The following SCRG1 variants were observed in gnomAD, a reference collection of about 807,000 sequenced individuals.
The protein encoded by SCRG1 is scrapie-responsive protein 1.
Under a neutral mutation model 7.7 loss-of-function variants are expected in SCRG1, and 3 were observed. The ratio of observed to expected loss-of-function variants is 0.39; its 90% confidence interval spans 0.18 to 1.01. The LOEUF (loss-of-function observed/expected upper bound fraction) is 1.01, where lower values mean the gene tolerates loss of function less well. Ranked by LOEUF, SCRG1 falls within the 50% of genes least tolerant of loss-of-function variation. The pLI, the probability that SCRG1 is intolerant of heterozygous loss-of-function variation, is 0.36. For synonymous variants in SCRG1, 46 were observed against 41.2 expected (o/e 1.12, Z -0.44); for missense variants, 110 against 117.2 (o/e 0.94, Z 0.28).
the SCRG1 span, among the ~76,000 whole-genome samples, chr4:173,476,361 A>ATATATATATATATATATATATAT: frequency 1.9e-3 from 100 of 51,394 alleles, 2 homozygotes; most frequent in East Asian, 3.9e-3. Context: ...GGGGAAAAAA[A>ATATATATATATATATATATATAT]AAATATATAT....
chr4:173,454,472 G>C, the SCRG1 span, among the ~76,000 whole-genome samples: 1 of 152,108 alleles, frequency 6.6e-6, no homozygotes, highest in Non-Finnish European at 1.5e-5. Context: ...TTCCACATGG[G>C]ATATATACCT....
chr4:173,403,645 G>C (rs1015657108), upstream of SCRG1, among the ~76,000 whole-genome samples: 8 of 152,120 alleles, frequency 5.3e-5, no homozygotes, highest in Non-Finnish European at 1.0e-4. Flanking sequence ...GGAGCCCATG[G>C]AATAGTTAGA....
chr4:173,391,553 C>T, intron 1 of SCRG1, 125 bp from the exon 2 acceptor site: 2 of 902,088 alleles, frequency 2.2e-6, no homozygotes, highest in Non-Finnish European at 3.4e-6. Flanking sequence ...GGCTTTTCTA[C>T]AATCCTGTTT....
the SCRG1 span, among the ~76,000 whole-genome samples, chr4:173,451,626 CTTACTTATTTTATTTA>C: frequency 8.2e-6 from 1 of 121,448 alleles, no homozygotes; most frequent in Non-Finnish European, 1.7e-5. Context: ...TTTTATTTTA[CTTACTTATTTTATTTA>C]TTTATTTATT....
At chr4:173,440,691 G>T in the SCRG1 span, among the ~76,000 whole-genome samples, 1 of 152,192 alleles carries the variant, frequency 6.6e-6, no homozygotes, top group Non-Finnish European at 1.5e-5. Context: ...CCAAGTAGCA[G>T]AAATGTATGC....
chr4:173,485,044 T>A, the SCRG1 span, among the ~76,000 whole-genome samples: 2 of 16,732 alleles, frequency 1.2e-4, no homozygotes, highest in South Asian at 2.2e-3. Context: ...TATTATATAT[T>A]ATATAATATA....
At chr4:173,491,288 A>T in the SCRG1 span, among the ~76,000 whole-genome samples, 2 of 146,734 alleles carry the variant, frequency 1.4e-5, no homozygotes, top group Non-Finnish European at 3.0e-5. Context: ...CATGCACATG[A>T]TCTTTGCTCC....
chr4:173,479,302 G>A, the SCRG1 span, among the ~76,000 whole-genome samples: 280 of 152,210 alleles, frequency 1.8e-3, 1 homozygote, highest in African/African-American at 6.2e-3. Flanking sequence ...GAATAGTTAC[G>A]TAAAGGTTTA....
At chr4:173,483,699 CATATATATGATATATTATATTGTG>C in the SCRG1 span, among the ~76,000 whole-genome samples, 42 of 1,126 alleles carry the variant, frequency 0.037, 15 homozygotes, top group East Asian at 0.33. Context: ...TGTGATATAT[CATATATATGATATATTATATTGTG>C]ATATATCATA....
At chr4:173,458,602 T>C in the SCRG1 span, among the ~76,000 whole-genome samples, 64 of 152,182 alleles carry the variant, frequency 4.2e-4, no homozygotes, top group Middle Eastern at 3.4e-3. Flanking sequence ...GTAAAGCATA[T>C]ACACAAAGGC....
chr4:173,391,796 C>T (rs887613244), intron 1 of SCRG1, among the ~76,000 whole-genome samples: 6 of 152,180 alleles, frequency 3.9e-5, no homozygotes, highest in Non-Finnish European at 7.3e-5. Flanking sequence ...GGCATGCTGG[C>T]ATGTGCCTGT....
chr4:173,464,800 T>C, the SCRG1 span, among the ~76,000 whole-genome samples: 1 of 152,170 alleles, frequency 6.6e-6, no homozygotes, highest in African/African-American at 2.4e-5. Flanking sequence ...TCCATGTTCA[T>C]CGCAGCATCA....
At chr4:173,441,243 CCTT>C in the SCRG1 span, among the ~76,000 whole-genome samples, 2 of 152,128 alleles carry the variant, frequency 1.3e-5, no homozygotes, top group African/African-American at 4.8e-5. Context: ...GCTAAAAACA[CCTT>C]CTACACACAA....
chr4:173,454,871 G>A, the SCRG1 span, among the ~76,000 whole-genome samples: 1 of 152,154 alleles, frequency 6.6e-6, no homozygotes, highest in Non-Finnish European at 1.5e-5. Flanking sequence ...AAGACGTAGG[G>A]TACTAACAAC....
chr4:173,507,519 T>C, the SCRG1 span, among the ~76,000 whole-genome samples: 2 of 152,204 alleles, frequency 1.3e-5, no homozygotes, highest in African/African-American at 2.4e-5. This position sits in a 1 kb window ranked among gnomAD's most constrained non-coding sequence, Gnocchi z 4.4. Context: ...CCTGTTCTTT[T>C]AAAAATAGCC....
intron 1 of SCRG1, among the ~76,000 whole-genome samples, chr4:173,391,928 G>A (rs1327187953): frequency 1.3e-5 from 2 of 152,138 alleles, no homozygotes; most frequent in Admixed American, 6.5e-5. Flanking sequence ...ACACAGTCAC[G>A]CACAGGCTGT....
the SCRG1 span, among the ~76,000 whole-genome samples, chr4:173,484,105 T>C: frequency 1.2e-5 from 1 of 84,940 alleles, no homozygotes; most frequent in Admixed American, 2.2e-4. Flanking sequence ...ATATATAATA[T>C]ATAATATATA....
chr4:173,471,835 G>T, the SCRG1 span, among the ~76,000 whole-genome samples: 2 of 152,122 alleles, frequency 1.3e-5, no homozygotes, highest in African/African-American at 2.4e-5. Flanking sequence ...TCAACCTCCC[G>T]AGTAGCTGGG....
At chr4:173,480,515 A>G in the SCRG1 span, among the ~76,000 whole-genome samples, 3 of 152,188 alleles carry the variant, frequency 2.0e-5, no homozygotes, top group Non-Finnish European at 4.4e-5. Context: ...AAAAAACTCT[A>G]CATATACTGA....
Sources: allele counts gnomAD v4.1 joint callset (sites outside exome capture counted in the v4.1 genomes callset), GRCh38; gene constraint gnomAD v4.1.1; non-coding constraint Gnocchi (gnomAD v3.1); transcripts MANE v1.5; gene names NCBI Gene and HGNC (gene_info 2026-07-23, HGNC 2026-07-21).